HEPHL1: variants seen among roughly 807,000 people sequenced by gnomAD.
HEPHL1 encodes ferroxidase HEPHL1.
HEPHL1 carries 123 observed loss-of-function variants against 122.0 expected under a neutral mutation model. The observed-to-expected ratio is 1.01, with a 90% confidence interval of 0.87 to 1.17. The LOEUF is 1.17. Among genes scored for constraint, HEPHL1 ranks in the 50% most tolerant of loss-of-function variants. The pLI is 0.00. For missense variants in HEPHL1, 1,452 were observed against 1,430.5 expected (o/e 1.01, Z -0.24); for synonymous variants, 527 against 508.9 (o/e 1.04, Z -0.48).
chr11:94,087,330 A>G (rs1318011689), intron 11 of HEPHL1, among the ~76,000 whole-genome samples: 3 of 152,146 alleles, frequency 2.0e-5, no homozygotes, highest in Non-Finnish European at 4.4e-5. Context: ...GGAGCTACTT[A>G]TTCTAGTGCT....
At position 94,102,958 on chromosome 11, in the gene HEPHL1, C is replaced by T; in HGVS notation, c.2620C>T (p.Pro874Ser). The change falls in exon 15 of 20, where the codon CCA becomes TCA. Residue 874 changes from proline to serine, a missense_variant. Coordinates refer to ENST00000315765, the MANE Select transcript of HEPHL1 (RefSeq NM_001098672.2). ...YRWNIPKRSGPGPSDPNCIPW... is the reference protein window; with the variant it reads ...YRWNIPKRSGSGPSDPNCIPW... Reference sequence around the variant, plus strand: ...ATGGAATATCCCTAAAAGATCCGGTCCAGGGCCTTCTGATCCCAATTGTAT... The same window carrying T: ...ATGGAATATCCCTAAAAGATCCGGTTCAGGGCCTTCTGATCCCAATTGTAT... The T allele has an allele frequency of 6.2e-7, 1 of 1,609,322 alleles. No individual in the cohort carries two copies. The highest frequency in any genetic ancestry group is 8.5e-7 in the Non-Finnish European group (1 of 1,175,828).
At chr11:94,108,599 AT>A (rs548509087) in intron 17 of HEPHL1, among the ~76,000 whole-genome samples, 17 of 150,696 alleles carry the variant, frequency 1.1e-4, no homozygotes, top group African/African-American at 2.2e-4. Flanking sequence ...AATAAGGTTC[AT>A]TTTTTTTTCA....
At chr11:94,097,646 G>A (rs1565361566) in intron 13 of HEPHL1, among the ~76,000 whole-genome samples, 1 of 152,082 alleles carries the variant, frequency 6.6e-6, no homozygotes, top group South Asian at 2.1e-4. Flanking sequence ...TATTGTGTGG[G>A]AGTCTAAATC....
At chr11:94,067,387 A>C in intron 4 of HEPHL1, 109 bp from the exon 5 acceptor site, 1 of 1,005,322 alleles carries the variant, frequency 9.9e-7, no homozygotes, top group Non-Finnish European at 1.5e-6. Flanking sequence ...CCTTACAACC[A>C]ATGGTCTGCA....
chr11:94,100,136 A>C (rs531111880), intron 13 of HEPHL1, among the ~76,000 whole-genome samples: 63 of 152,320 alleles, frequency 4.1e-4, no homozygotes, highest in African/African-American at 1.5e-3. Context: ...AGCTGTTCCT[A>C]TTCATCCATC....
intron 2 of HEPHL1, among the ~76,000 whole-genome samples, chr11:94,060,558 G>A (rs770410034): frequency 6.6e-6 from 1 of 152,100 alleles, no homozygotes; most frequent in Non-Finnish European, 1.5e-5. Flanking sequence ...AAGAAGCTAA[G>A]AGTCATAGAA....
chr11:94,067,637 G>A lies in HEPHL1; in HGVS notation c.950G>A (p.Gly317Glu), dbSNP rs1460800279. Reference sequence around the variant, plus strand: ...TATGGTAACACCTTCATCAGCAGAGGGCATCGGACTGATGTCGTCAACCTG... The same window carrying A: ...TATGGTAACACCTTCATCAGCAGAGAGCATCGGACTGATGTCGTCAACCTG... ...YFYGNTFISR[G>E]HRTDVVNLFP... The change falls in exon 5 of 20, where the codon GGG becomes GAG. Residue 317 changes from glycine (G) to glutamate (E), a missense_variant. Gly to Glu is a moderately conservative substitution (Grantham distance 98). Transcript: ENST00000315765. 6.2e-7 allele frequency: 1 copy of A among 1,613,714 alleles called. No individual in the cohort carries two copies. The highest frequency in any genetic ancestry group is 2.2e-5 in the East Asian group (1 of 44,864).
At chr11:94,089,923 T>G (rs565439592) in intron 12 of HEPHL1, among the ~76,000 whole-genome samples, 15 of 152,216 alleles carry the variant, frequency 9.9e-5, no homozygotes, top group South Asian at 4.2e-4. Context: ...TATTGCCACC[T>G]ACCCTCGCCC....
At chr11:94,070,323 T>C (rs1372857213) in intron 5 of HEPHL1, 51 bp from the exon 6 acceptor site, 1 of 1,519,742 alleles carries the variant, frequency 6.6e-7, no homozygotes, top group Non-Finnish European at 8.9e-7. Flanking sequence ...CCTATATGAT[T>C]CCTTTTGTGA....
At chr11:94,089,044 C>T in intron 12 of HEPHL1, 76 bp downstream of exon 12, 2 of 1,291,856 alleles carry the variant, frequency 1.5e-6, no homozygotes, top group East Asian at 2.3e-5. Flanking sequence ...GTGTGGCTCC[C>T]TGCAAATTCC....
intron 13 of HEPHL1, among the ~76,000 whole-genome samples, chr11:94,097,369 G>A (rs879419239): frequency 2.0e-5 from 3 of 152,198 alleles, no homozygotes; most frequent in Admixed American, 6.5e-5. Context: ...TGATTGCACT[G>A]TGGTCTGAGA....
chr11:94,080,598 A>C (rs2949860), intron 9 of HEPHL1, among the ~76,000 whole-genome samples: 108,458 of 151,598 alleles, frequency 0.72, 38,966 homozygotes, highest in Admixed American at 0.79. Flanking sequence ...AACAAATTTA[A>C]AAGAAGAAAA....
chr11:94,069,547 C>T (rs571634825), intron 5 of HEPHL1, among the ~76,000 whole-genome samples: 1 of 152,180 alleles, frequency 6.6e-6, no homozygotes, highest in South Asian at 2.1e-4. Context: ...AAAATGAAAT[C>T]AGTCTATTAA....
At chr11:94,079,867 G>T (rs1946155327) in intron 9 of HEPHL1, among the ~76,000 whole-genome samples, 1 of 152,102 alleles carries the variant, frequency 6.6e-6, no homozygotes, top group Non-Finnish European at 1.5e-5. Context: ...CTTGGGTGGG[G>T]AGCATGTTAG....
At chr11:94,107,137 T>A (rs1352539736) in intron 17 of HEPHL1, among the ~76,000 whole-genome samples, 1 of 152,192 alleles carries the variant, frequency 6.6e-6, no homozygotes, top group African/African-American at 2.4e-5. Flanking sequence ...AACAATCATA[T>A]CCAATGTGTG....
At chr11:94,041,544 G>A (rs1591465404) in intron 1 of HEPHL1, among the ~76,000 whole-genome samples, 2 of 87,382 alleles carry the variant, frequency 2.3e-5, no homozygotes, top group South Asian at 4.3e-4. Context: ...CAATGGAACA[G>A]AACAGAGCCC....
intron 2 of HEPHL1, among the ~76,000 whole-genome samples, chr11:94,058,148 C>T (rs1945955572): frequency 6.6e-6 from 1 of 152,142 alleles, no homozygotes; most frequent in African/African-American, 2.4e-5. Flanking sequence ...ATCTTATATT[C>T]TCTGCTAGTG....
Position 94,093,514 on chromosome 11 carries a change from T to C in HEPHL1, c.2308T>C (p.Phe770Leu), listed in dbSNP as rs1946279079. ...TCTGATTTGCAGACATGGAGATATA[T>C]TTATGAACCGCACTGAAAATTGGAT... The part of the protein sequence containing the change: ...DARGERHGDI[F>L]MNRTENWIGS... Residue 770 changes from phenylalanine (F) to leucine (L), a missense_variant, in exon 13 of 20, where the codon TTT becomes CTT. Physicochemically the swap from Phe to Leu is conservative, Grantham distance 22. Transcript: ENST00000315765. 6.2e-7 allele frequency: 1 copy of C among 1,613,500 alleles called. No individual in the cohort carries two copies. The highest frequency in any genetic ancestry group is 8.5e-7 in the Non-Finnish European group (1 of 1,179,716).
At chr11:94,026,915 G>A (rs750955337) in intron 1 of HEPHL1, among the ~76,000 whole-genome samples, 1 of 152,312 alleles carries the variant, frequency 6.6e-6, no homozygotes, top group Admixed American at 6.5e-5. Context: ...TACTTGCTTT[G>A]AGGGTGTATC....
Sources: gnomAD v4.1 joint callset for allele counts (sites outside exome capture counted in the v4.1 genomes callset) on GRCh38, gnomAD v4.1.1 for gene constraint, MANE v1.5 for transcripts, NCBI Gene and HGNC (gene_info 2026-07-23, HGNC 2026-07-21) for gene names.